Variants in ITPR2 observed in about 807,000 individuals in gnomAD.
The protein encoded by ITPR2 is inositol 1,4,5-trisphosphate-gated calcium channel ITPR2.
A neutral mutation model predicts 317.1 loss-of-function variants in ITPR2; 207 were observed. The observed-to-expected ratio is 0.65, with a 90% CI of 0.58 to 0.73. ITPR2 has a LOEUF of 0.73. Among genes scored for constraint, ITPR2 ranks in the 30% least tolerant of loss-of-function variants. The probability of loss-of-function intolerance (pLI) is 0.00; values close to 1 mark genes in which losing one functional copy is unlikely to be tolerated. For missense variants in ITPR2, 2,613 were observed against 3,284.0 expected, an observed-to-expected ratio of 0.80 and a Z score of 4.99; for synonymous variants, 1,156 against 1,149.1, an observed-to-expected ratio of 1.01 and a Z score of -0.12.
chr12:26,353,822 T>C (rs138151335), intron 55 of ITPR2, among the ~76,000 whole-genome samples: 1 of 152,220 alleles, frequency 6.6e-6, no homozygotes, highest in African/African-American at 2.4e-5. Flanking sequence ...TAAGTACTCA[T>C]ATGCAGAACT....
chr12:26,501,421 T>A (rs1943070182), intron 37 of ITPR2, among the ~76,000 whole-genome samples: 1 of 152,222 alleles, frequency 6.6e-6, no homozygotes. Context: ...GAGAATATGG[T>A]CAATCTCCTA....
At chr12:26,348,931 G>T (rs1241105386) in intron 55 of ITPR2, among the ~76,000 whole-genome samples, 2 of 151,994 alleles carry the variant, frequency 1.3e-5, no homozygotes, top group Non-Finnish European at 2.9e-5. Context: ...AACTGGGTGT[G>T]GTGGTGTACA....
chr12:26,782,794 A>G (rs764434798), intron 2 of ITPR2, among the ~76,000 whole-genome samples: 1 of 152,238 alleles, frequency 6.6e-6, no homozygotes, highest in Admixed American at 6.5e-5. Context: ...ATCTTAGTTG[A>G]TTTCAAATCT....
chr12:26,545,212 T>C (rs1184971133), intron 37 of ITPR2, among the ~76,000 whole-genome samples: 1 of 152,126 alleles, frequency 6.6e-6, no homozygotes, highest in Non-Finnish European at 1.5e-5. Flanking sequence ...CCTGTAAACA[T>C]GTTACCTCAC....
chr12:26,689,705 T>C lies in ITPR2; in HGVS notation c.997-3073A>G, dbSNP rs150904350. ...CGCAAGAAGGCCTGAACAAGGTCTA[T>C]GCAATCCTCTTTTACAGGGCCCAGT... On this transcript the variant is annotated intron_variant, in intron 10 of 56. Coordinates refer to ENST00000381340, the MANE Select transcript of ITPR2 (RefSeq NM_002223.4). Among the ~76,000 whole-genome samples, 395 of 152,318 alleles carry C rather than the reference T, an allele frequency of 2.6e-3. 1 individual carries two copies. Among genetic ancestry groups the C allele is most frequent in the African/African-American group, 9.2e-3 (383 of 41,564 alleles).
In ITPR2 at chr12:26,398,861, C is replaced by G. The variant is rs773390113; in HGVS notation, c.7696+15G>C. ...GTCTATTCATCTATTATTTTAGCAT[C>G]TGCCGAACACTTACCACAGATGAAA... On this transcript the variant is annotated intron_variant, in intron 54 of 56. Transcript: ENST00000381340. The G allele has an allele frequency of 1.9e-6, 3 of 1,597,600 alleles. No homozygotes were observed. Among genetic ancestry groups the G allele is most frequent in the Non-Finnish European group, 2.6e-6 (3 of 1,174,740 alleles).
In ITPR2 at chr12:26,439,270, T is replaced by C. The variant is rs1215109134; in HGVS notation, c.6500A>G (p.Asn2167Ser). 6.8e-6 allele frequency: 11 copies of C among 1,611,542 alleles called. No individual in the cohort carries two copies. The highest frequency in any genetic ancestry group is 1.7e-5 in the Admixed American group (1 of 59,492). Residue 2167 changes from asparagine (N) to serine (S), a missense_variant, in exon 47 of 57, where the codon AAT becomes AGT. Coordinates refer to ENST00000381340, the MANE Select transcript of ITPR2 (RefSeq NM_002223.4). Reference protein sequence around the residue: ...TMEQIVFPVPNICEYLTRESK... With the variant: ...TMEQIVFPVPSICEYLTRESK... ...TTCTCGAGTGAGGTATTCACATATATTGGGGACAGGAAAAACTATTTGTTC... is the reference window on the plus strand; with the variant it reads ...TTCTCGAGTGAGGTATTCACATATACTGGGGACAGGAAAAACTATTTGTTC...
chr12:26,469,256 T>C (rs1942244284), intron 45 of ITPR2, among the ~76,000 whole-genome samples: 1 of 152,238 alleles, frequency 6.6e-6, no homozygotes, highest in Non-Finnish European at 1.5e-5. Flanking sequence ...ATAAATGTTG[T>C]TGAAAGACTA....
At chr12:26,361,774 G>T (rs537888332) in intron 55 of ITPR2, among the ~76,000 whole-genome samples, 4 of 152,264 alleles carry the variant, frequency 2.6e-5, no homozygotes, top group African/African-American at 9.6e-5. Context: ...ACATTTATAA[G>T]CAACATTTCA....
intron 41 of ITPR2, among the ~76,000 whole-genome samples, chr12:26,485,785 G>A (rs562609890): frequency 5.5e-4 from 83 of 152,160 alleles, no homozygotes; most frequent in Non-Finnish European, 1.0e-3. Context: ...TGAGACAAAT[G>A]TGATCTCTCT....
At chr12:26,398,778 T>C (rs2136647464) in intron 54 of ITPR2, 98 bp downstream of exon 54, 1 of 995,034 alleles carries the variant, frequency 1.0e-6, no homozygotes, top group Middle Eastern at 2.1e-4. Context: ...CATTTTGAAA[T>C]AATTTTTCCG....
chr12:26,685,830 T>A (rs1948114195), intron 11 of ITPR2, among the ~76,000 whole-genome samples: 1 of 152,192 alleles, frequency 6.6e-6, no homozygotes, highest in South Asian at 2.1e-4. Context: ...AGAGAGGACT[T>A]GATTCCTTAA....
intron 24 of ITPR2, among the ~76,000 whole-genome samples, chr12:26,622,814 G>C (rs957690224): frequency 2.6e-5 from 4 of 152,174 alleles, no homozygotes; most frequent in African/African-American, 9.7e-5. Context: ...GGGGAGGAGT[G>C]GGGGAGGCCA....
chr12:26,526,426 G>C (rs1282027673), intron 37 of ITPR2, among the ~76,000 whole-genome samples: 1 of 152,080 alleles, frequency 6.6e-6, no homozygotes, highest in Non-Finnish European at 1.5e-5. Context: ...TTCTGTTTGA[G>C]GAACAGAAAG....
intron 37 of ITPR2, among the ~76,000 whole-genome samples, chr12:26,544,187 C>T (rs960534577): frequency 1.3e-5 from 2 of 152,062 alleles, no homozygotes; most frequent in Non-Finnish European, 2.9e-5. Flanking sequence ...ATTAAATTTT[C>T]CTTTATTTAT....
chr12:26,453,777 C>A (rs1275510187), intron 45 of ITPR2, among the ~76,000 whole-genome samples: 1 of 152,210 alleles, frequency 6.6e-6, no homozygotes, highest in Non-Finnish European at 1.5e-5. Flanking sequence ...TCCCCTCCCA[C>A]ATATTTCAAG....
chr12:26,642,207 TA>T (rs1378546790), intron 21 of ITPR2, among the ~76,000 whole-genome samples: 1 of 152,228 alleles, frequency 6.6e-6, no homozygotes, highest in Admixed American at 6.5e-5. Flanking sequence ...ATTACATGTT[TA>T]AATGTTATAA....
chr12:26,561,806 C>T lies in ITPR2; in HGVS notation c.4777G>A (p.Gly1593Arg), dbSNP rs1944827467. ...RSGPRFKEAL[G>R]GPAWDYRNII... ...TTTCTGTAATCCCAAGCAGGCCCTC[C>T]AAGAGCTTCCTTAAAGCGTGGCCCA... The change falls in exon 35 of 57, where the codon GGA becomes AGA. Residue 1593 changes from glycine to arginine, a missense_variant. Gly to Arg is a moderately radical substitution (Grantham distance 125, BLOSUM62 -2). Transcript: ENST00000381340. 2 of 1,590,762 alleles carry T rather than the reference C, an allele frequency of 1.3e-6. No individual in the cohort carries two copies. The highest frequency in any genetic ancestry group is 1.7e-6 in the Non-Finnish European group (2 of 1,173,824).
chr12:26,568,998 T>G (rs1255569974), intron 34 of ITPR2, among the ~76,000 whole-genome samples: 1 of 152,176 alleles, frequency 6.6e-6, no homozygotes, highest in African/African-American at 2.4e-5. Context: ...CACACTTGAT[T>G]AGTCATCTGG....
Sources: gnomAD v4.1 joint callset for allele counts (sites outside exome capture counted in the v4.1 genomes callset) on GRCh38, gnomAD v4.1.1 for gene constraint, MANE v1.5 for transcripts, NCBI Gene and HGNC (gene_info 2026-07-23, HGNC 2026-07-21) for gene names.